The following DLG2 variants were observed in gnomAD, a reference collection of about 807,000 sequenced individuals.
DLG2 encodes the protein discs large MAGUK scaffold protein 2.
In DLG2, 45 loss-of-function variants were observed where a neutral mutation model predicts 132.5. That is an observed-to-expected ratio of 0.34 (90% CI 0.27 to 0.44). The LOEUF (loss-of-function observed/expected upper bound fraction) is 0.44, where lower values mean the gene tolerates loss of function less well. DLG2 is among the 20% of genes least tolerant of loss of function. The pLI is 1.00. For synonymous variants in DLG2, 424 were observed against 419.6 expected (o/e 1.01, Z -0.13); for missense variants, 1,045 against 1,196.9 (o/e 0.87, Z 1.87).
At chr11:84,884,885 C>T (rs1337072893) in intron 6 of DLG2, among the ~76,000 whole-genome samples, 1 of 152,076 alleles carries the variant, frequency 6.6e-6, no homozygotes, top group Non-Finnish European at 1.5e-5. Flanking sequence ...AAATCATGTG[C>T]TATCCCACTC....
At chr11:85,373,102 T>C (rs1443512998) in intron 3 of DLG2, among the ~76,000 whole-genome samples, 1 of 152,170 alleles carries the variant, frequency 6.6e-6, no homozygotes, top group Non-Finnish European at 1.5e-5. Context: ...CTTAAACTGG[T>C]CGACCTAGGT....
chr11:84,237,642 C>A (rs1448220718), intron 8 of DLG2, among the ~76,000 whole-genome samples: 14 of 152,170 alleles, frequency 9.2e-5, no homozygotes, highest in Non-Finnish European at 2.1e-4. Context: ...AAGTAAAGTT[C>A]ATCAAAGTTC....
chr11:83,753,735 G>GAT (rs564384323), intron 18 of DLG2, among the ~76,000 whole-genome samples: 5 of 131,726 alleles, frequency 3.8e-5, no homozygotes, highest in Admixed American at 7.7e-5. Flanking sequence ...CTATATATAT[G>GAT]ATATATATAT....
intron 17 of DLG2, chr11:83,791,112 T>C: frequency 1.5e-6 from 1 of 669,852 alleles, no homozygotes; most frequent in Non-Finnish European, 2.7e-6. Flanking sequence ...GCCTTGACTC[T>C]CACCTCCATC....
chr11:85,040,022 C>A (rs1163696872), intron 6 of DLG2, among the ~76,000 whole-genome samples: 3 of 151,762 alleles, frequency 2.0e-5, no homozygotes, highest in Admixed American at 2.0e-4. Flanking sequence ...CAGGTGAATC[C>A]GGATTCCATA....
At chr11:83,799,895 T>C (rs1021158868) in intron 17 of DLG2, among the ~76,000 whole-genome samples, 1 of 152,156 alleles carries the variant, frequency 6.6e-6, no homozygotes, top group Admixed American at 6.6e-5. Context: ...AGTACCCTGG[T>C]CAAATTAGAC....
intron 16 of DLG2, among the ~76,000 whole-genome samples, chr11:83,869,935 C>G (rs1565422514): frequency 6.6e-6 from 1 of 152,170 alleles, no homozygotes. Flanking sequence ...TGAAAGAAAG[C>G]TTTCTGAGTA....
intron 6 of DLG2, among the ~76,000 whole-genome samples, chr11:84,601,666 T>C (rs1010875398): frequency 1.5e-4 from 23 of 152,204 alleles, no homozygotes; most frequent in African/African-American, 5.5e-4. Flanking sequence ...TTACACGTGA[T>C]GATGTTAAAT....
intron 6 of DLG2, among the ~76,000 whole-genome samples, chr11:85,017,388 G>T (rs2059664084): frequency 6.7e-6 from 1 of 149,812 alleles, no homozygotes; most frequent in African/African-American, 2.5e-5. Context: ...CCTGTAACCT[G>T]ATTTTTGCCC....
At chr11:84,188,893 T>C (rs1253580023) in intron 8 of DLG2, among the ~76,000 whole-genome samples, 5 of 152,180 alleles carry the variant, frequency 3.3e-5, no homozygotes, top group African/African-American at 1.2e-4. Flanking sequence ...AGCCTTCTTT[T>C]TGAAAGCCCT....
At chr11:84,422,575 GCA>G (rs1308001883) in intron 7 of DLG2, among the ~76,000 whole-genome samples, 7 of 152,134 alleles carry the variant, frequency 4.6e-5, no homozygotes, top group Middle Eastern at 3.4e-3. Context: ...AACTCATTAC[GCA>G]CATTCAATTT....
At chr11:83,525,211 A>T (rs1284771818) in intron 21 of DLG2, among the ~76,000 whole-genome samples, 2 of 152,164 alleles carry the variant, frequency 1.3e-5, no homozygotes, top group Non-Finnish European at 2.9e-5. Flanking sequence ...ACACCTTAAC[A>T]TGTCTCAGAC....
intron 21 of DLG2, among the ~76,000 whole-genome samples, chr11:83,522,528 G>A (rs1190572433): frequency 6.7e-6 from 1 of 149,234 alleles, no homozygotes; most frequent in Non-Finnish European, 1.5e-5. Flanking sequence ...ACAACCTATA[G>A]AAAAAAAAAA....
intron 15 of DLG2, among the ~76,000 whole-genome samples, chr11:83,882,551 G>A (rs1017331776): frequency 6.6e-6 from 1 of 152,104 alleles, no homozygotes; most frequent in Admixed American, 6.5e-5. Context: ...CAGCAATGAC[G>A]TGGTGACTCA....
intron 6 of DLG2, among the ~76,000 whole-genome samples, chr11:84,827,541 G>A (rs1237751626): frequency 2.6e-5 from 4 of 151,530 alleles, no homozygotes; most frequent in South Asian, 4.2e-4. Flanking sequence ...GGGTATAGGA[G>A]ATGAAATCCC....
intron 7 of DLG2, among the ~76,000 whole-genome samples, chr11:84,480,645 A>G (rs982703821): frequency 2.6e-5 from 4 of 151,972 alleles, no homozygotes; most frequent in African/African-American, 7.3e-5. Context: ...CTCAAAATCC[A>G]GCTCTTCTTC....
intron 18 of DLG2, among the ~76,000 whole-genome samples, chr11:83,702,807 C>T (rs1271022746): frequency 1.3e-5 from 2 of 152,190 alleles, no homozygotes; most frequent in Non-Finnish European, 2.9e-5. Context: ...TACTTAAGGT[C>T]TCTAGATTTG....
At chr11:83,775,004 T>C (rs1468589022) in intron 18 of DLG2, among the ~76,000 whole-genome samples, 1 of 151,868 alleles carries the variant, frequency 6.6e-6, no homozygotes, top group Non-Finnish European at 1.5e-5. Context: ...AAGACTCCCA[T>C]ATCCCCCAAA....
intron 18 of DLG2, among the ~76,000 whole-genome samples, chr11:83,745,893 C>T (rs1469973958): frequency 6.6e-6 from 1 of 151,952 alleles, no homozygotes; most frequent in Non-Finnish European, 1.5e-5. Context: ...AAGAAAAAAA[C>T]AACTCCATCA....
Sources: allele counts gnomAD v4.1 joint callset (sites outside exome capture counted in the v4.1 genomes callset), GRCh38; gene constraint gnomAD v4.1.1; transcripts MANE v1.5; gene names NCBI Gene and HGNC (gene_info 2026-07-23, HGNC 2026-07-21).